Variants in ENTHD1 observed in about 807,000 individuals in gnomAD.
ENTHD1 encodes the protein ENTH domain-containing protein 1.
A neutral mutation model predicts 39.1 loss-of-function variants in ENTHD1; 23 were observed. The ratio of observed to expected loss-of-function variants is 0.59; its 90% CI spans 0.42 to 0.83. ENTHD1 has a LOEUF of 0.83. Ranked by LOEUF, ENTHD1 falls within the 40% of genes least tolerant of loss-of-function variation. The pLI is 0.00. For missense variants in ENTHD1, 624 were observed against 705.4 expected (o/e 0.88, Z 1.31); for synonymous variants, 230 against 258.2 (o/e 0.89, Z 1.05).
chr22:39,833,941 CAAAAAAAA>C (rs59299623), intron 4 of ENTHD1, among the ~76,000 whole-genome samples: 30 of 117,916 alleles, frequency 2.5e-4, no homozygotes, highest in Admixed American at 2.5e-4. Flanking sequence ...TATACTTGGG[CAAAAAAAA>C]AAAAAAAAAA....
At chr22:39,833,992 C>T (rs187307454) in intron 4 of ENTHD1, among the ~76,000 whole-genome samples, 2 of 146,716 alleles carry the variant, frequency 1.4e-5, no homozygotes, top group East Asian at 2.0e-4. Flanking sequence ...ATACACTTCA[C>T]ACCTTACACA....
chr22:39,779,189 T>C (rs1159701677), intron 5 of ENTHD1, among the ~76,000 whole-genome samples: 5 of 151,792 alleles, frequency 3.3e-5, no homozygotes, highest in Admixed American at 6.6e-5. Context: ...TGGTGGTGAG[T>C]GCCTGTAATC....
At chr22:39,791,275 ATAGTTT>A (rs1275889929) in intron 5 of ENTHD1, among the ~76,000 whole-genome samples, 1 of 148,138 alleles carries the variant, frequency 6.8e-6, no homozygotes, top group Admixed American at 6.8e-5. Context: ...TAGACTATAT[ATAGTTT>A]TAGACTATAT....
At chr22:39,864,420 T>C (rs940300458) in intron 2 of ENTHD1, among the ~76,000 whole-genome samples, 29 of 152,316 alleles carry the variant, frequency 1.9e-4, no homozygotes, top group African/African-American at 7.0e-4. Flanking sequence ...CTACCCTTTC[T>C]AAAATAGCCC....
intron 6 of ENTHD1, among the ~76,000 whole-genome samples, chr22:39,762,434 C>T (rs2146550968): frequency 6.6e-6 from 1 of 150,872 alleles, no homozygotes; most frequent in East Asian, 1.9e-4. Context: ...TTTTTTGACA[C>T]AGGATCTCAC....
At chr22:39,885,245 T>G (rs573424968) in intron 2 of ENTHD1, among the ~76,000 whole-genome samples, 1 of 152,224 alleles carries the variant, frequency 6.6e-6, no homozygotes, top group Admixed American at 6.5e-5. Context: ...CATGAAAAGA[T>G]GTTCAGCATC....
chr22:39,777,071 T>G (rs1387424401), intron 5 of ENTHD1, among the ~76,000 whole-genome samples: 1 of 152,198 alleles, frequency 6.6e-6, no homozygotes, highest in African/African-American at 2.4e-5. Context: ...GATGCCAAAA[T>G]ATGTCTTTCT....
chr22:39,862,842 A>C (rs2066153862), intron 2 of ENTHD1, among the ~76,000 whole-genome samples: 1 of 152,232 alleles, frequency 6.6e-6, no homozygotes, highest in Non-Finnish European at 1.5e-5. Flanking sequence ...GATAGCATTA[A>C]GAGGTGGAGC....
At chr22:39,798,944 G>C (rs1053347304) in intron 5 of ENTHD1, among the ~76,000 whole-genome samples, 2 of 152,212 alleles carry the variant, frequency 1.3e-5, no homozygotes, top group African/African-American at 2.4e-5. Flanking sequence ...GGCAGGCTGG[G>C]TGGGCTCATC....
At chr22:39,816,760 C>T (rs1022903579) in intron 5 of ENTHD1, among the ~76,000 whole-genome samples, 8 of 151,624 alleles carry the variant, frequency 5.3e-5, no homozygotes, top group African/African-American at 1.9e-4. Flanking sequence ...AAACTAAAAG[C>T]CATGAAGAAA....
chr22:39,817,113 A>C (rs1041812280), intron 5 of ENTHD1, among the ~76,000 whole-genome samples: 18 of 152,232 alleles, frequency 1.2e-4, no homozygotes, highest in Admixed American at 1.1e-3. Context: ...ATAAGGCTTG[A>C]AAACATCAAG....
intron 5 of ENTHD1, among the ~76,000 whole-genome samples, chr22:39,790,332 G>A (rs1207213714): frequency 2.0e-5 from 3 of 152,162 alleles, no homozygotes; most frequent in Non-Finnish European, 4.4e-5. Flanking sequence ...AGGATATCTT[G>A]ATCCTGCAAC....
Position 39,867,894 on chromosome 22 carries a change from C to G in ENTHD1, c.350-5887G>C, listed in dbSNP as rs1378298518. On this transcript the variant is annotated intron_variant, in intron 2 of 6. Transcript: ENST00000325157. The surrounding 1 kb of genome is among the most constrained non-coding windows in gnomAD (Gnocchi z 4.5). The stretch of plus-strand genomic sequence containing the variant: ...CACAGCAATAATAGACACTGCCAGT[C>G]TCAAAAACAAGATAAAAACCCCCAC... Among the ~76,000 whole-genome samples the G allele has an allele frequency of 6.6e-6, 1 of 152,072 alleles. No individual in the cohort carries two copies. The highest frequency in any genetic ancestry group is 2.4e-5 in the African/African-American group (1 of 41,402).
At chr22:39,784,541 TATACAC>T in intron 5 of ENTHD1, among the ~76,000 whole-genome samples, 1 of 115,370 alleles carries the variant, frequency 8.7e-6, no homozygotes, top group East Asian at 2.5e-4. Context: ...TCTCTCTCTG[TATACAC>T]ACACACACAC....
intron 1 of ENTHD1, among the ~76,000 whole-genome samples, chr22:39,889,884 C>A (rs925508732): frequency 1.3e-5 from 2 of 151,938 alleles, no homozygotes; most frequent in Non-Finnish European, 2.9e-5. Flanking sequence ...ATCACCTGAG[C>A]TCAGGAGTTC....
chr22:39,839,598 T>C (rs2065929516), intron 3 of ENTHD1, among the ~76,000 whole-genome samples: 1 of 152,194 alleles, frequency 6.6e-6, no homozygotes, highest in South Asian at 2.1e-4. Flanking sequence ...CACATAAAAG[T>C]GAATAATTAA....
intron 6 of ENTHD1, among the ~76,000 whole-genome samples, chr22:39,754,762 C>T (rs1482390910): frequency 6.6e-6 from 1 of 152,166 alleles, no homozygotes; most frequent in African/African-American, 2.4e-5. Flanking sequence ...TTGTCTAACA[C>T]CTCTCACCTG....
At position 39,887,583 on chromosome 22, in the gene ENTHD1, T is replaced by C. The variant is rs764977278; in HGVS notation, c.166A>G (p.Met56Val). 1.2e-6 allele frequency: 2 copies of C among 1,614,090 alleles called. No individual in the cohort carries two copies. Among genetic ancestry groups the C allele is most frequent in the African/African-American group, 1.3e-5 (1 of 74,918 alleles). ...TGGTCATTGAGTCTGTGCCACAGCA[T>C]ATTCATAATCTCTGAGAGAGAAATT... is the stretch of plus-strand genomic sequence containing the variant. Reference protein sequence around the residue: ...NTISLSEIMNMLWHRLNDHGK... With the variant: ...NTISLSEIMNVLWHRLNDHGK... The change falls in exon 2 of 7, where the codon ATG becomes GTG. Residue 56 changes from methionine to valine, a missense_variant. By Grantham distance (21) the Met-to-Val change is conservative (BLOSUM62 1). Transcript: ENST00000325157.
intron 5 of ENTHD1, among the ~76,000 whole-genome samples, chr22:39,783,200 A>G (rs532503179): frequency 3.3e-4 from 51 of 152,308 alleles, no homozygotes; most frequent in African/African-American, 1.2e-3. Flanking sequence ...AATATAGCAT[A>G]CCTAGGAATA....
Sources: gnomAD v4.1 joint callset for allele counts (sites outside exome capture counted in the v4.1 genomes callset) on GRCh38, gnomAD v4.1.1 for gene constraint, Gnocchi (gnomAD v3.1) non-coding constraint, MANE v1.5 for transcripts, NCBI Gene and HGNC (gene_info 2026-07-23, HGNC 2026-07-21) for gene names.